The following ADAMTS6 variants were observed in gnomAD, a reference collection of about 807,000 sequenced individuals.
ADAMTS6 encodes ADAM metallopeptidase with thrombospondin type 1 motif 6, also known as A disintegrin and metalloproteinase with thrombospondin motifs 6.
A neutral mutation model predicts 144.3 loss-of-function variants in ADAMTS6; 23 were observed. The ratio of observed to expected loss-of-function variants is 0.16; its 90% CI spans 0.11 to 0.23. ADAMTS6 has a LOEUF of 0.23. Among genes scored for constraint, ADAMTS6 ranks in the 10% least tolerant of loss-of-function variants. The pLI, the probability that ADAMTS6 is intolerant of heterozygous loss-of-function variation, is 1.00. For missense variants in ADAMTS6, 999 were observed against 1,379.6 expected, an observed-to-expected ratio of 0.72 and a Z score of 4.37; for synonymous variants, 444 against 457.5, an observed-to-expected ratio of 0.97 and a Z score of 0.38.
intron 7 of ADAMTS6, among the ~76,000 whole-genome samples, chr5:65,386,271 A>G (rs1056911567): frequency 1.3e-5 from 2 of 152,130 alleles, no homozygotes; most frequent in African/African-American, 4.8e-5. Flanking sequence ...GAGTACATCT[A>G]TCCTATTTTT....
At chr5:65,262,025 G>A (rs1011019476) in intron 13 of ADAMTS6, among the ~76,000 whole-genome samples, 27 of 152,030 alleles carry the variant, frequency 1.8e-4, no homozygotes, top group East Asian at 1.9e-4. Context: ...CTCAACCAGC[G>A]TTCTAGACAA....
chr5:65,460,647 G>A (rs1759578946), intron 3 of ADAMTS6, among the ~76,000 whole-genome samples: 2 of 152,240 alleles, frequency 1.3e-5, no homozygotes, highest in South Asian at 2.1e-4. Context: ...ACTTATTTCA[G>A]TTCCACATTA....
intron 3 of ADAMTS6, among the ~76,000 whole-genome samples, chr5:65,464,368 TAAC>T (rs763166332): frequency 2.9e-4 from 44 of 152,214 alleles, no homozygotes; most frequent in Non-Finnish European, 3.7e-4. Context: ...GTGGCTCTAA[TAAC>T]TACCACAATT....
intron 7 of ADAMTS6, among the ~76,000 whole-genome samples, chr5:65,359,228 T>C (rs1185747784): frequency 2.0e-5 from 3 of 151,962 alleles, no homozygotes; most frequent in Non-Finnish European, 2.9e-5. Context: ...TTCTGATCCA[T>C]AGAACAAAAA....
At chr5:65,371,306 A>C (rs1350304629) in intron 7 of ADAMTS6, among the ~76,000 whole-genome samples, 1 of 152,180 alleles carries the variant, frequency 6.6e-6, no homozygotes, top group Non-Finnish European at 1.5e-5. Flanking sequence ...GAAGGCTTCA[A>C]ACAATCAAAT....
chr5:65,462,313 G>A (rs545065406), intron 3 of ADAMTS6, among the ~76,000 whole-genome samples: 152 of 152,252 alleles, frequency 1.0e-3, no homozygotes, highest in African/African-American at 3.4e-3. Context: ...AAGTCATGCT[G>A]GTCTGTGGGC....
rs1752085445 is a variant in ADAMTS6 at position 65,150,325 on chromosome 5, ACACGTGTT to A, written c.*1503_*1510del. ...ATTCATCAAGAACCTGCTGCAAGCTACACGTGTTCAAGTAAAAAATATTAATATAAACA... is the reference window on the plus strand; with the variant it reads ...ATTCATCAAGAACCTGCTGCAAGCTACAAGTAAAAAATATTAATATAAACA... On this transcript the variant is annotated 3_prime_UTR_variant, in exon 25 of 25. Transcript: ENST00000381055. 6.6e-6 allele frequency: 1 copy of A among 152,626 alleles called. No individual in the cohort carries two copies. The allele number at this position is 152,626 out of a possible 1,614,324, so 9.5% of individuals were successfully genotyped here.
At chr5:65,386,216 C>T (rs915046214) in intron 7 of ADAMTS6, among the ~76,000 whole-genome samples, 4 of 152,130 alleles carry the variant, frequency 2.6e-5, no homozygotes, top group Admixed American at 1.3e-4. Context: ...TAATATTTCA[C>T]ATTTTTCTTT....
rs542646200 is a variant in ADAMTS6 at position 65,235,031 on chromosome 5, A to C, written c.1933+7073T>G. On this transcript the variant is annotated intron_variant, in intron 15 of 24. Transcript: ENST00000381055. ...TCTCACTTATATGTGGAATCTAAAA[A>C]AGTCAAACTCATAGAAACAGAGAGA... Among the ~76,000 whole-genome samples, 86 of 152,320 alleles carry C rather than the reference A, an allele frequency of 5.6e-4. 1 individual carries two copies. The highest frequency in any genetic ancestry group is 1.0e-3 in the Non-Finnish European group (68 of 68,024).
Position 65,248,736 on chromosome 5 carries a change from C to A in ADAMTS6, c.1831-6530G>T, listed in dbSNP as rs190551750. On this transcript the variant is annotated intron_variant, in intron 14 of 24. Coordinates refer to ENST00000381055, the MANE Select transcript of ADAMTS6 (RefSeq NM_197941.4). ...TGGGTGGCAGAGGTTGCAGTGAGTC[C>A]AGATCATACCACTGCACTCCAGCCT... 1.9e-3 allele frequency among the ~76,000 whole-genome samples: 284 copies of A among 152,000 alleles called. 2 individuals carry two copies. Among genetic ancestry groups the A allele is most frequent in the African/African-American group, 6.6e-3 (272 of 41,466 alleles).
intron 24 of ADAMTS6, among the ~76,000 whole-genome samples, chr5:65,153,834 T>G (rs957036330): frequency 6.6e-6 from 1 of 152,164 alleles, no homozygotes; most frequent in South Asian, 2.1e-4. Context: ...CAGTTTAAAT[T>G]ATAATACATA....
At position 65,220,413 on chromosome 5, in the gene ADAMTS6, A is replaced by G. The variant is rs111665449; in HGVS notation, c.2272+3907T>C. On this transcript the variant is annotated intron_variant, in intron 18 of 24. Coordinates refer to ENST00000381055, the MANE Select transcript of ADAMTS6 (RefSeq NM_197941.4). Reference sequence around the variant, plus strand: ...GAGAAGCTAGAAAAAATAAGAACAAATTAAAACAAAGTGAATAGAAAAAAA... The same window carrying G: ...GAGAAGCTAGAAAAAATAAGAACAAGTTAAAACAAAGTGAATAGAAAAAAA... 1.7e-3 allele frequency among the ~76,000 whole-genome samples: 258 copies of G among 152,282 alleles called. 2 individuals are homozygous for G. Among genetic ancestry groups the G allele is most frequent in the African/African-American group, 5.8e-3 (242 of 41,580 alleles).
chr5:65,458,863 G>A (rs1382256173), intron 4 of ADAMTS6, among the ~76,000 whole-genome samples: 1 of 152,162 alleles, frequency 6.6e-6, no homozygotes, highest in Non-Finnish European at 1.5e-5. Context: ...ACACTTTAGT[G>A]TACTAGAAAC....
At chr5:65,202,258 A>C (rs1580042818) in intron 20 of ADAMTS6, among the ~76,000 whole-genome samples, 1 of 152,318 alleles carries the variant, frequency 6.6e-6, no homozygotes, top group South Asian at 2.1e-4. Context: ...TAAGTAAACA[A>C]AGGATGATCA....
At position 65,224,949 on chromosome 5, in the gene ADAMTS6, G is replaced by A. The variant is rs1757616474; in HGVS notation, c.2166C>T (p.Phe722=). 1.2e-6 allele frequency: 2 copies of A among 1,613,728 alleles called. No individual in the cohort carries two copies. The highest frequency in any genetic ancestry group is 2.7e-5 in the African/African-American group (2 of 74,894). ...DGSTCDAIEG[F]FNDSLPRGGY... ...CTCCCCTGGGCAGTGAATCATTGAA[G>A]AACCCTTCAATGGCATCACATGTGC... The change falls in exon 17 of 25, where the codon TTC becomes TTT. Residue 722 remains phenylalanine, a synonymous_variant. Coordinates refer to ENST00000381055, the MANE Select transcript of ADAMTS6 (RefSeq NM_197941.4).
intron 7 of ADAMTS6, among the ~76,000 whole-genome samples, chr5:65,444,938 C>T (rs7705423): frequency 6.6e-6 from 1 of 151,970 alleles, no homozygotes; most frequent in Non-Finnish European, 1.5e-5. Flanking sequence ...AAACAGCAGT[C>T]CTTATCTCAT....
At chr5:65,247,098 T>C (rs1003235253) in intron 14 of ADAMTS6, among the ~76,000 whole-genome samples, 2 of 152,186 alleles carry the variant, frequency 1.3e-5, no homozygotes, top group Non-Finnish European at 2.9e-5. Flanking sequence ...AGCCTTCTAG[T>C]GCTAACACTC....
At chr5:65,324,032 G>A (rs1452132842) in intron 9 of ADAMTS6, among the ~76,000 whole-genome samples, 3 of 152,122 alleles carry the variant, frequency 2.0e-5, no homozygotes, top group Non-Finnish European at 4.4e-5. Flanking sequence ...TTTGTCAGAT[G>A]AGTAGGTTGC....
chr5:65,324,945 G>T (rs535940600), intron 9 of ADAMTS6, among the ~76,000 whole-genome samples: 1 of 152,192 alleles, frequency 6.6e-6, no homozygotes, highest in South Asian at 2.1e-4. Context: ...TATGTGATAT[G>T]GATTACTATT....
Sources: allele counts gnomAD v4.1 joint callset (sites outside exome capture counted in the v4.1 genomes callset), GRCh38; gene constraint gnomAD v4.1.1; transcripts MANE v1.5; gene names NCBI Gene and HGNC (gene_info 2026-07-23, HGNC 2026-07-21).